ZFHX3: variants seen among roughly 807,000 people sequenced by gnomAD.
The protein encoded by ZFHX3 is zinc finger homeobox 3.
ZFHX3 carries 42 observed loss-of-function variants against 279.1 expected under a neutral mutation model. That is an observed-to-expected ratio of 0.15 (90% confidence interval 0.12 to 0.19). ZFHX3 has a LOEUF of 0.19. Ranked by LOEUF, ZFHX3 falls within the 10% of genes least tolerant of loss-of-function variation. ZFHX3 has a pLI of 1.00. For synonymous variants in ZFHX3, 2,293 were observed against 1,957.8 expected (o/e 1.17, Z -4.52); for missense variants, 4,981 against 4,754.0 (o/e 1.05, Z -1.40).
chr16:73,813,823 G>A (rs1290747719), intron 1 of ZFHX3: 1 of 152,200 alleles, frequency 6.6e-6, no homozygotes, highest in Non-Finnish European at 1.5e-5. Flanking sequence ...ACAGATCATG[G>A]CTATCAGATG....
At chr16:73,140,299 T>C (rs1211305515) in intron 6 of ZFHX3, among the ~76,000 whole-genome samples, 1 of 152,054 alleles carries the variant, frequency 6.6e-6, no homozygotes, top group Non-Finnish European at 1.5e-5. Flanking sequence ...TTTTAATAAT[T>C]CAGTAAACGA....
At chr16:73,674,895 C>T (rs781689615) in intron 2 of ZFHX3, among the ~76,000 whole-genome samples, 15 of 152,148 alleles carry the variant, frequency 9.9e-5, no homozygotes, top group Non-Finnish European at 2.1e-4. Flanking sequence ...GTGAGACTTA[C>T]AGAAGAACTG....
chr16:73,423,235 GA>G (rs5817846), intron 3 of ZFHX3, among the ~76,000 whole-genome samples: 2 of 151,068 alleles, frequency 1.3e-5, no homozygotes, highest in East Asian at 1.9e-4. Context: ...AGCTGTTAGG[GA>G]AAAAAAAATC....
chr16:73,751,132 A>C (rs2053758467), intron 1 of ZFHX3, among the ~76,000 whole-genome samples: 1 of 152,158 alleles, frequency 6.6e-6, no homozygotes, highest in Admixed American at 6.5e-5. Context: ...ATGTCTCAAA[A>C]CTATTTTTCA....
intron 4 of ZFHX3, among the ~76,000 whole-genome samples, chr16:73,274,414 G>A (rs1053750897): frequency 6.6e-6 from 1 of 152,044 alleles, no homozygotes; most frequent in Admixed American, 6.6e-5. Context: ...CTTTATCTTT[G>A]TTTTAGAAAG....
chr16:73,725,249 T>C (rs2053508155), intron 1 of ZFHX3, among the ~76,000 whole-genome samples: 1 of 152,236 alleles, frequency 6.6e-6, no homozygotes, highest in Non-Finnish European at 1.5e-5. Context: ...AAAAGAAAAC[T>C]AGCCCTGCAT....
chr16:72,895,230 G>A (rs1416847228), intron 3 of ZFHX3, among the ~76,000 whole-genome samples: 1 of 152,194 alleles, frequency 6.6e-6, no homozygotes, highest in African/African-American at 2.4e-5. Flanking sequence ...AAGAAAATAA[G>A]GAAGGGTATA....
intron 3 of ZFHX3, among the ~76,000 whole-genome samples, chr16:73,335,879 A>G (rs557820309): frequency 3.2e-4 from 48 of 152,332 alleles, no homozygotes; most frequent in African/African-American, 1.1e-3. Context: ...TGGGCAGTTA[A>G]TGAGTTTTTG....
chr16:73,184,280 T>C (rs892653968), intron 5 of ZFHX3, among the ~76,000 whole-genome samples: 3 of 152,026 alleles, frequency 2.0e-5, no homozygotes, highest in Non-Finnish European at 2.9e-5. Flanking sequence ...ACTTTCAGAG[T>C]GATCAAGAGA....
intron 3 of ZFHX3, among the ~76,000 whole-genome samples, chr16:73,370,013 A>T (rs180701286): frequency 3.3e-4 from 50 of 152,338 alleles, no homozygotes; most frequent in African/African-American, 1.0e-3. Flanking sequence ...ACATTGGATG[A>T]TTCCTCACTT....
At chr16:72,872,014 G>A (rs1351180125) in intron 4 of ZFHX3, among the ~76,000 whole-genome samples, 2 of 152,150 alleles carry the variant, frequency 1.3e-5, no homozygotes, top group Middle Eastern at 6.8e-3. Context: ...GAACCCGGGA[G>A]TCGGAGCTTG....
chr16:73,395,948 AC>A (rs1454445017), intron 3 of ZFHX3, among the ~76,000 whole-genome samples: 1 of 152,218 alleles, frequency 6.6e-6, no homozygotes, highest in Non-Finnish European at 1.5e-5. Flanking sequence ...TTAGAGTTAT[AC>A]TTTTAACAAG....
At position 73,156,539 on chromosome 16, in the gene ZFHX3, T is replaced by C. The variant is rs567050231; in HGVS notation, c.-1103-12708A>G. Among the ~76,000 whole-genome samples, 5 of 152,284 alleles carry C rather than the reference T, an allele frequency of 3.3e-5. No individual in the cohort carries two copies. The South Asian group carries it at 8.3e-4, about 25-fold the overall frequency. On this transcript the variant is annotated intron_variant, in intron 5 of 17. Coordinates refer to the ZFHX3 transcript ENST00000641206. ...AGCCTTCGCTCCTGGTCTTGCTTTGTATAAGAGATGTTTCTTTTAATTTAA... is the reference window on the plus strand; with the variant it reads ...AGCCTTCGCTCCTGGTCTTGCTTTGCATAAGAGATGTTTCTTTTAATTTAA...
intron 2 of ZFHX3, among the ~76,000 whole-genome samples, chr16:73,659,068 A>G (rs183511486): frequency 6.6e-6 from 1 of 152,162 alleles, no homozygotes; most frequent in Admixed American, 6.5e-5. Flanking sequence ...AAGGAAAAAC[A>G]ATAGAAAGGA....
rs376176988 is a variant in ZFHX3, at chr16:72,788,426, C to A, written c.9850G>T (p.Asp3284Tyr). The part of the protein sequence containing the change: ...APLPTMEYAV[D>Y]PAQLQALQAA... ...TGCAGGGCCTGCAGCTGTGCAGGGT[C>A]TACCGCATACTCCATGGTGGGCAGC... The change falls in exon 10 of 10, where the codon GAC becomes TAC. Residue 3284 changes from aspartate (D) to tyrosine (Y), a missense_variant. By Grantham distance (160) the Asp-to-Tyr change is radical (BLOSUM62 -3). Coordinates refer to ENST00000268489, the MANE Select transcript of ZFHX3 (RefSeq NM_006885.4). The A allele has an allele frequency of 6.2e-7, 1 of 1,614,240 alleles. No homozygotes were observed. Among genetic ancestry groups the A allele is most frequent in the Non-Finnish European group, 8.5e-7 (1 of 1,180,044 alleles).
intron 1 of ZFHX3, among the ~76,000 whole-genome samples, chr16:73,881,809 T>C (rs914053469): frequency 6.6e-6 from 1 of 152,014 alleles, no homozygotes; most frequent in Non-Finnish European, 1.5e-5. Flanking sequence ...CAAGAGTGTG[T>C]ATCTAAAGGA....
intron 5 of ZFHX3, among the ~76,000 whole-genome samples, chr16:73,197,602 A>G (rs1389250694): frequency 6.6e-6 from 1 of 152,168 alleles, no homozygotes; most frequent in Admixed American, 6.5e-5. Flanking sequence ...AGAGAAAAGT[A>G]TTTTCTTTTT....
chr16:73,501,872 G>A (rs1016189883), intron 2 of ZFHX3, among the ~76,000 whole-genome samples: 1 of 152,166 alleles, frequency 6.6e-6, no homozygotes, highest in Non-Finnish European at 1.5e-5. Flanking sequence ...TCTGTAAGGG[G>A]GTGAGGAGCC....
intron 2 of ZFHX3, among the ~76,000 whole-genome samples, chr16:73,529,724 G>C (rs2019761008): frequency 6.6e-6 from 1 of 152,178 alleles, no homozygotes; most frequent in Non-Finnish European, 1.5e-5. Context: ...TAGTAATTCG[G>C]TGGAAAATGA....
Sources: gnomAD v4.1 joint callset for allele counts (sites outside exome capture counted in the v4.1 genomes callset) on GRCh38, gnomAD v4.1.1 for gene constraint, MANE v1.5 for transcripts, NCBI Gene and HGNC (gene_info 2026-07-23, HGNC 2026-07-21) for gene names.